The following LSAMP variants were observed in gnomAD, a reference collection of about 807,000 sequenced individuals.
The protein encoded by LSAMP is limbic system-associated membrane protein.
Under a neutral mutation model 38.6 loss-of-function variants are expected in LSAMP, and 7 were observed. The ratio of observed to expected loss-of-function variants is 0.18; its 90% CI spans 0.10 to 0.34. LSAMP has a LOEUF of 0.34. Among genes scored for constraint, LSAMP ranks in the 10% least tolerant of loss-of-function variants. The probability of loss-of-function intolerance (pLI) is 1.00; values close to 1 mark genes in which losing one functional copy is unlikely to be tolerated. For missense variants in LSAMP, 313 were observed against 420.0 expected (o/e 0.75, Z 2.23); for synonymous variants, 154 against 166.8 (o/e 0.92, Z 0.59).
chr3:115,826,892 A>G (rs1934431654), intron 6 of LSAMP, among the ~76,000 whole-genome samples: 1 of 151,600 alleles, frequency 6.6e-6, no homozygotes, highest in South Asian at 2.1e-4. Flanking sequence ...ACTATTTACG[A>G]GTTAGAATGG....
intron 1 of LSAMP, among the ~76,000 whole-genome samples, chr3:116,157,565 C>A (rs118072493): frequency 1.3e-5 from 2 of 151,794 alleles, no homozygotes; most frequent in Admixed American, 1.3e-4. Context: ...GAGAAGAAAA[C>A]GTAAAACAGA....
At chr3:116,262,350 A>T (rs2046836100) in intron 1 of LSAMP, among the ~76,000 whole-genome samples, 1 of 152,182 alleles carries the variant, frequency 6.6e-6, no homozygotes, top group South Asian at 2.1e-4. Flanking sequence ...GTGATGTGAG[A>T]ACATTTTAGT....
intron 1 of LSAMP, among the ~76,000 whole-genome samples, chr3:116,248,283 G>A (rs2046629105): frequency 6.6e-6 from 1 of 152,130 alleles, no homozygotes; most frequent in Non-Finnish European, 1.5e-5. Flanking sequence ...AGGATGAGTA[G>A]GATTTTAACA....
At chr3:116,046,751 G>A (rs1392297548) in intron 2 of LSAMP, among the ~76,000 whole-genome samples, 1 of 152,282 alleles carries the variant, frequency 6.6e-6, no homozygotes, top group African/African-American at 2.4e-5. Context: ...CAAATAATAA[G>A]CATCTTCTGA....
At chr3:116,415,608 A>G (rs889900951) in intron 1 of LSAMP, among the ~76,000 whole-genome samples, 2 of 152,092 alleles carry the variant, frequency 1.3e-5, no homozygotes, top group African/African-American at 4.8e-5. Flanking sequence ...TCTTGGAGAG[A>G]GCTTGGCATC....
At chr3:115,910,810 A>T (rs1937117888) in intron 3 of LSAMP, among the ~76,000 whole-genome samples, 1 of 152,188 alleles carries the variant, frequency 6.6e-6, no homozygotes, top group South Asian at 2.1e-4. Flanking sequence ...CTGTTGGCAT[A>T]GACTCTTTTT....
At chr3:115,810,512 C>T (rs976486464) in intron 6 of LSAMP, 98 bp from the exon 7 acceptor site, 3 of 809,854 alleles carry the variant, frequency 3.7e-6, no homozygotes, top group South Asian at 1.6e-5. Context: ...AAGACCTGGC[C>T]AGGTACTAGC....
At chr3:116,417,908 A>G (rs1437310871) in intron 1 of LSAMP, among the ~76,000 whole-genome samples, 1 of 152,150 alleles carries the variant, frequency 6.6e-6, no homozygotes, top group African/African-American at 2.4e-5. Flanking sequence ...AGTCACAGAA[A>G]AGGCCTGCAC....
intron 1 of LSAMP, among the ~76,000 whole-genome samples, chr3:116,101,447 G>A (rs1376333498): frequency 6.6e-6 from 1 of 152,006 alleles, no homozygotes; most frequent in Non-Finnish European, 1.5e-5. Flanking sequence ...TGTAATAATT[G>A]TGCATATTCA....
chr3:116,065,583 A>T (rs188376217), intron 2 of LSAMP, among the ~76,000 whole-genome samples: 4 of 152,148 alleles, frequency 2.6e-5, no homozygotes, highest in African/African-American at 9.7e-5. Context: ...ATTTCTTAAG[A>T]TCTTAAATTA....
intron 3 of LSAMP, among the ~76,000 whole-genome samples, chr3:115,940,750 T>C (rs4511898): frequency 0.36 from 54,660 of 152,088 alleles, 10,795 homozygotes; most frequent in South Asian, 0.62. Flanking sequence ...CTCTCTGTTT[T>C]GTTGCACCAG....
At chr3:115,821,124 GTCTC>G (rs768885458) in intron 6 of LSAMP, among the ~76,000 whole-genome samples, 65 of 151,438 alleles carry the variant, frequency 4.3e-4, no homozygotes, top group Admixed American at 1.1e-3. Flanking sequence ...CTCTTTCTCT[GTCTC>G]TCTCTCTCCC....
intron 3 of LSAMP, among the ~76,000 whole-genome samples, chr3:115,928,536 G>A (rs1163497583): frequency 6.6e-6 from 1 of 152,244 alleles, no homozygotes; most frequent in South Asian, 2.1e-4. Flanking sequence ...ATGGAAGTCA[G>A]AGATTTGGGG....
intron 3 of LSAMP, among the ~76,000 whole-genome samples, chr3:116,002,510 C>T (rs1251391232): frequency 1.3e-5 from 2 of 152,050 alleles, no homozygotes; most frequent in Non-Finnish European, 2.9e-5. Flanking sequence ...ACCCCTACAT[C>T]CCTCTGTACA....
At chr3:116,309,894 G>C (rs1214449668) in intron 1 of LSAMP, among the ~76,000 whole-genome samples, 2 of 152,110 alleles carry the variant, frequency 1.3e-5, no homozygotes, top group African/African-American at 2.4e-5. Flanking sequence ...TATTGTTTTT[G>C]CAAGTATTGC....
At chr3:116,304,026 C>T (rs551129992) in intron 1 of LSAMP, among the ~76,000 whole-genome samples, 17 of 152,198 alleles carry the variant, frequency 1.1e-4, no homozygotes, top group South Asian at 8.3e-4. Flanking sequence ...ATGATTTTTA[C>T]GTTACTGAAC....
intron 1 of LSAMP, among the ~76,000 whole-genome samples, chr3:116,164,632 TATATATATATATAATCCAA>T (rs1485163027): frequency 1.6e-5 from 2 of 126,684 alleles, no homozygotes; most frequent in African/African-American, 5.8e-5. Context: ...AATCCAAATA[TATATATATATATAATCCAA>T]ATATATATAT....
intron 3 of LSAMP, among the ~76,000 whole-genome samples, chr3:115,900,166 T>C (rs1006342911): frequency 6.6e-6 from 1 of 152,316 alleles, no homozygotes; most frequent in Non-Finnish European, 1.5e-5. Flanking sequence ...TAGGTCCAAA[T>C]GCTATAGATG....
intron 1 of LSAMP, among the ~76,000 whole-genome samples, chr3:116,109,291 G>T (rs1182273343): frequency 6.6e-6 from 1 of 152,168 alleles, no homozygotes; most frequent in Non-Finnish European, 1.5e-5. Context: ...GTGTGAGGAG[G>T]GGAGGCAATA....
Sources: gnomAD v4.1 joint callset for allele counts (sites outside exome capture counted in the v4.1 genomes callset) on GRCh38, gnomAD v4.1.1 for gene constraint, MANE v1.5 for transcripts, NCBI Gene and HGNC (gene_info 2026-07-23, HGNC 2026-07-21) for gene names.